TBL1X: variants seen among roughly 807,000 people sequenced by gnomAD.
TBL1X encodes F-box-like/WD repeat-containing protein TBL1X.
TBL1X carries 10 observed loss-of-function variants against 50.7 expected under a neutral mutation model. That is an observed-to-expected ratio of 0.20 (90% CI 0.12 to 0.33). TBL1X has a LOEUF of 0.33. TBL1X is among the 10% of genes least tolerant of loss of function. TBL1X has a pLI of 1.00. For synonymous variants in TBL1X, 190 were observed against 214.7 expected, an observed-to-expected ratio of 0.88 and a Z score of 1.01; for missense variants, 340 against 504.4, an observed-to-expected ratio of 0.67 and a Z score of 3.12.
chrX:9,546,702 T>A (rs888594106), intron 2 of TBL1X, among the ~76,000 whole-genome samples: 1 of 111,274 alleles, frequency 9.0e-6, no homozygotes, highest in Non-Finnish European at 1.9e-5. Context: ...AAATGATGCA[T>A]TTCTAATTCT....
At chrX:9,498,296 C>T (rs1312801762) in intron 1 of TBL1X, among the ~76,000 whole-genome samples, 2 of 111,650 alleles carry the variant, frequency 1.8e-5, no homozygotes, top group Non-Finnish European at 3.8e-5. Context: ...AAGGGGACAG[C>T]GTCCTCTGTT....
In TBL1X at chrX:9,609,336, G is replaced by GGTGTGTGTGTGT. The variant is rs775969638; in HGVS notation, c.-130-30910_-130-30899dup. Among the ~76,000 whole-genome samples, 912 of 94,752 alleles carry GGTGTGTGTGTGT rather than the reference G, an allele frequency of 9.6e-3. 15 individuals carry two copies. Among genetic ancestry groups the GGTGTGTGTGTGT allele is most frequent in the African/African-American group, 0.03 (737 of 24,623 alleles). The allele number at this position is 94,752 out of a possible 115,157, so 82.3% of individuals were successfully genotyped here. A position where few individuals can be genotyped will look rare whatever the true frequency, so the allele number is the denominator to read the frequency against. On this transcript the variant is annotated intron_variant, in intron 2 of 17. Transcript: ENST00000645353. ...CATTTTGGTGGTGTGTTTTCTTCCA[G>GGTGTGTGTGTGT]GTGTGTGTGTGTGTGTGTGTGTGTG...
chrX:9,470,335 C>T (rs922838383), intron 1 of TBL1X, among the ~76,000 whole-genome samples: 5 of 112,419 alleles, frequency 4.4e-5, no homozygotes, highest in Admixed American at 1.9e-4. Context: ...TGCGGTGGCG[C>T]GATCTCCGCC....
intron 5 of TBL1X, among the ~76,000 whole-genome samples, chrX:9,675,182 A>G (rs1569094700): frequency 8.9e-6 from 1 of 112,113 alleles, no homozygotes; most frequent in Non-Finnish European, 1.9e-5. Flanking sequence ...ATAGAGTGCT[A>G]TCTGAGCTGG....
At chrX:9,542,817 C>T (rs751174798) in intron 2 of TBL1X, among the ~76,000 whole-genome samples, 2 of 111,903 alleles carry the variant, frequency 1.8e-5, no homozygotes, top group Admixed American at 1.9e-4. Flanking sequence ...GCAATGAGTA[C>T]GATTTTCCCT....
intron 2 of TBL1X, among the ~76,000 whole-genome samples, chrX:9,529,504 G>T (rs1379587740): frequency 1.4e-4 from 16 of 111,882 alleles, no homozygotes; most frequent in Admixed American, 1.4e-3. Context: ...GTGCAGGAAG[G>T]CAGGCATGGC....
intron 2 of TBL1X, among the ~76,000 whole-genome samples, chrX:9,616,031 C>G (rs1192369385): frequency 8.9e-6 from 1 of 111,857 alleles, no homozygotes; most frequent in Non-Finnish European, 1.9e-5. Context: ...ATGAACAGAC[C>G]AGACACAAAT....
intron 1 of TBL1X, among the ~76,000 whole-genome samples, chrX:9,500,974 C>T (rs1009803030): frequency 8.9e-6 from 1 of 111,865 alleles, no homozygotes; most frequent in African/African-American, 3.3e-5. Context: ...GGCGGCCTCA[C>T]AACAACCAAG....
At chrX:9,553,332 C>T (rs1337533704) in intron 2 of TBL1X, among the ~76,000 whole-genome samples, 1 of 111,473 alleles carries the variant, frequency 9.0e-6, no homozygotes, top group African/African-American at 3.3e-5. Flanking sequence ...TGCTGGCGGC[C>T]TCTAGAAGCT....
chrX:9,707,551 G>A (rs910556325), intron 13 of TBL1X, among the ~76,000 whole-genome samples: 5 of 112,047 alleles, frequency 4.5e-5, no homozygotes, highest in Non-Finnish European at 9.4e-5. Flanking sequence ...CTCTGGAGGC[G>A]GCCCAGGAAC....
At chrX:9,553,548 T>C (rs1253667421) in intron 2 of TBL1X, among the ~76,000 whole-genome samples, 1 of 112,014 alleles carries the variant, frequency 8.9e-6, no homozygotes, top group Non-Finnish European at 1.9e-5. Context: ...TTTAATATGC[T>C]GGAGCAAGGA....
intron 5 of TBL1X, among the ~76,000 whole-genome samples, chrX:9,654,917 A>G (rs767194055): frequency 1.8e-5 from 2 of 111,349 alleles, no homozygotes; most frequent in African/African-American, 6.5e-5. Context: ...CACGGAGCCC[A>G]GGGCTTGGGT....
chrX:9,510,649 A>G (rs2082050787), intron 2 of TBL1X, among the ~76,000 whole-genome samples: 1 of 111,947 alleles, frequency 8.9e-6, no homozygotes, highest in Non-Finnish European at 1.9e-5. Context: ...GGTACTTAGG[A>G]ATGTTGTTGT....
At chrX:9,601,669 G>C (rs1383173636) in intron 2 of TBL1X, among the ~76,000 whole-genome samples, 3 of 111,720 alleles carry the variant, frequency 2.7e-5, no homozygotes, top group Non-Finnish European at 3.8e-5. Context: ...TCCCAGGTGG[G>C]CAGGAAGGAA....
At chrX:9,470,694 G>A (rs1286734769) in intron 1 of TBL1X, among the ~76,000 whole-genome samples, 1 of 111,557 alleles carries the variant, frequency 9.0e-6, no homozygotes, top group Non-Finnish European at 1.9e-5. Flanking sequence ...GAGTGCAGTG[G>A]CATGATCTCT....
At chrX:9,657,609 G>A (rs1022161380) in intron 5 of TBL1X, among the ~76,000 whole-genome samples, 4 of 112,735 alleles carry the variant, frequency 3.5e-5, no homozygotes, top group Non-Finnish European at 7.5e-5. Flanking sequence ...ACAGGCAGAA[G>A]TCAGGTCATC....
chrX:9,558,166 A>G (rs1452230262), intron 2 of TBL1X, among the ~76,000 whole-genome samples: 1 of 112,703 alleles, frequency 8.9e-6, no homozygotes, highest in African/African-American at 3.2e-5. Context: ...ACATTACATA[A>G]TAAGAATGCA....
intron 2 of TBL1X, among the ~76,000 whole-genome samples, chrX:9,521,079 C>T (rs750097549): frequency 9.1e-6 from 1 of 110,329 alleles, no homozygotes; most frequent in South Asian, 3.9e-4. Context: ...GCCTGGGTGA[C>T]AGAGGGAGAC....
intron 6 of TBL1X, among the ~76,000 whole-genome samples, chrX:9,686,827 G>A (rs769865419): frequency 7.8e-4 from 88 of 112,784 alleles, no homozygotes; most frequent in African/African-American, 2.8e-3. Flanking sequence ...GGAAGGGGGT[G>A]TGGGAGCGTC....
Sources: gnomAD v4.1 joint callset for allele counts (sites outside exome capture counted in the v4.1 genomes callset) on GRCh38, gnomAD v4.1.1 for gene constraint, MANE v1.5 for transcripts, NCBI Gene and HGNC (gene_info 2026-07-23, HGNC 2026-07-21) for gene names.